Variants in DLC1 observed in about 807,000 individuals in gnomAD.
DLC1 encodes the protein DLC1 Rho GTPase activating protein, also known as rho GTPase-activating protein 7.
In DLC1, 54 loss-of-function variants were observed where a neutral mutation model predicts 140.3. The ratio of observed to expected loss-of-function variants is 0.38; its 90% CI spans 0.31 to 0.48. DLC1 has a LOEUF of 0.48. DLC1 is among the 20% of genes least tolerant of loss of function. DLC1 has a pLI of 0.96. For synonymous variants in DLC1, 986 were observed against 728.1 expected (o/e 1.35, Z -5.70); for missense variants, 2,536 against 1,907.0 (o/e 1.33, Z -6.14).
chr8:13,132,934 T>C lies in DLC1; in HGVS notation c.1349-17277A>G, dbSNP rs547636466. Reference sequence around the variant, plus strand: ...GGCCAGCCCGACGGCAAGACGCAAGTCTAGCTTACGTGTTAGGATCATGGT... The same window carrying C: ...GGCCAGCCCGACGGCAAGACGCAAGCCTAGCTTACGTGTTAGGATCATGGT... On this transcript the variant is annotated intron_variant, in intron 5 of 17. Transcript: ENST00000276297. The C allele has an allele frequency of 2.5e-6, 4 of 1,604,134 alleles. No homozygotes were observed. The East Asian group carries it at 9.0e-5, about 36-fold the overall frequency.
intron 1 of DLC1, among the ~76,000 whole-genome samples, chr8:13,577,715 G>T (rs970515895): frequency 6.6e-6 from 1 of 152,056 alleles, no homozygotes; most frequent in African/African-American, 2.4e-5. Context: ...TTGGGCTTTT[G>T]TTTCCTCCTT....
intron 5 of DLC1, among the ~76,000 whole-genome samples, chr8:13,266,619 C>A (rs902079776): frequency 9.9e-5 from 15 of 152,072 alleles, no homozygotes; most frequent in African/African-American, 3.4e-4. Flanking sequence ...GTGGCAGGTG[C>A]CTGTAGTCCC....
intron 5 of DLC1, among the ~76,000 whole-genome samples, chr8:13,297,282 T>TAAAAAAAAAAAAAAAAAAAAAAAAA (rs60048506): frequency 0.013 from 125 of 9,614 alleles, 46 homozygotes; most frequent in East Asian, 0.045. Context: ...CTTCATACAT[T>TAAAAAAAAAAAAAAAAAAAAAAAAA]AAAAAAAAAA....
intron 2 of DLC1, among the ~76,000 whole-genome samples, chr8:13,452,971 G>C (rs1361065799): frequency 2.6e-5 from 4 of 151,846 alleles, no homozygotes; most frequent in Non-Finnish European, 4.4e-5. Flanking sequence ...ACAGTTTCTT[G>C]TTGTTGTTGT....
intron 1 of DLC1, among the ~76,000 whole-genome samples, chr8:13,504,064 A>G (rs1243378620): frequency 6.6e-6 from 1 of 151,952 alleles, no homozygotes; most frequent in Non-Finnish European, 1.5e-5. Flanking sequence ...ATTGCTTGCA[A>G]CTCGAAAACT....
At chr8:13,408,748 A>G (rs958705154) in intron 2 of DLC1, among the ~76,000 whole-genome samples, 2 of 152,200 alleles carry the variant, frequency 1.3e-5, no homozygotes, top group Non-Finnish European at 2.9e-5. Context: ...TATGTATTCC[A>G]TACTATCATG....
intron 5 of DLC1, among the ~76,000 whole-genome samples, chr8:13,186,435 C>T (rs912943400): frequency 6.6e-6 from 1 of 152,100 alleles, no homozygotes; most frequent in Non-Finnish European, 1.5e-5. Flanking sequence ...TCCACTTGAT[C>T]GAATCCACTA....
At chr8:13,312,386 A>AAAAAAAAAAAAAAAAAAATAATAAT (rs71207139) in intron 4 of DLC1, among the ~76,000 whole-genome samples, 1 of 81,680 alleles carries the variant, frequency 1.2e-5, no homozygotes, top group African/African-American at 4.5e-5. Flanking sequence ...AAAAAAAAAA[A>AAAAAAAAAAAAAAAAAAATAATAAT]AATAATTTCT....
intron 1 of DLC1, among the ~76,000 whole-genome samples, chr8:13,596,845 T>A (rs979423913): frequency 3.9e-5 from 6 of 152,066 alleles, no homozygotes; most frequent in African/African-American, 1.4e-4. Context: ...AATGTCTTAA[T>A]AATGTAAATT....
At chr8:13,086,635 A>C (rs1490816632) in intron 16 of DLC1, among the ~76,000 whole-genome samples, 172 bp from the exon 17 acceptor site, 2 of 152,216 alleles carry the variant, frequency 1.3e-5, no homozygotes, top group Admixed American at 6.5e-5. Flanking sequence ...TATGGTGTAC[A>C]TGTGTTCCCC....
At chr8:13,429,092 A>G (rs1015702151) in intron 2 of DLC1, among the ~76,000 whole-genome samples, 1 of 152,242 alleles carries the variant, frequency 6.6e-6, no homozygotes, top group African/African-American at 2.4e-5. Context: ...AACATGACCT[A>G]GAAATACAAT....
Position 13,282,441 on chromosome 8 carries a change from G to T in DLC1, c.1348+22828C>A, listed in dbSNP as rs113278086. ...TTCTTTTATGTTGTAATTTCAAAAG[G>T]TTAAACATTTGCAATTTCTATAGAA... On this transcript the variant is annotated intron_variant, in intron 5 of 17. Transcript: ENST00000276297. Among the ~76,000 whole-genome samples, 1,301 of 152,102 alleles carry T rather than the reference G, an allele frequency of 8.6e-3. 18 individuals carry two copies. The highest frequency in any genetic ancestry group is 0.015 in the Non-Finnish European group (1,012 of 67,986).
chr8:13,461,819 G>T (rs79694253), intron 2 of DLC1, among the ~76,000 whole-genome samples: 14 of 152,060 alleles, frequency 9.2e-5, no homozygotes, highest in African/African-American at 3.4e-4. Context: ...GATGCTCTTC[G>T]TTACCCCGTA....
chr8:13,451,995 C>T (rs569899242), intron 2 of DLC1, among the ~76,000 whole-genome samples: 2 of 152,086 alleles, frequency 1.3e-5, no homozygotes, highest in African/African-American at 4.8e-5. Context: ...CAACAGAGTA[C>T]GAGGGTTCTA....
chr8:13,185,288 T>TTTTTTTTG (rs1554464345), intron 5 of DLC1, among the ~76,000 whole-genome samples: 10 of 144,374 alleles, frequency 6.9e-5, no homozygotes, highest in African/African-American at 2.6e-4. Context: ...TTTCTGTTTT[T>TTTTTTTTG]TTTGTTTGTT....
chr8:13,307,887 C>A (rs1048870996), intron 4 of DLC1, among the ~76,000 whole-genome samples: 2 of 152,138 alleles, frequency 1.3e-5, no homozygotes, highest in African/African-American at 4.8e-5. Flanking sequence ...ACTAAACAGA[C>A]TTATTTTGAA....
intron 2 of DLC1, among the ~76,000 whole-genome samples, chr8:13,489,018 G>T (rs1801108339): frequency 6.6e-6 from 1 of 151,914 alleles, no homozygotes; most frequent in South Asian, 2.1e-4. Flanking sequence ...CGTGATCTTG[G>T]CTCACTGCAA....
chr8:13,211,226 C>T (rs140921176), intron 5 of DLC1, among the ~76,000 whole-genome samples: 19 of 152,300 alleles, frequency 1.2e-4, no homozygotes, highest in East Asian at 3.9e-4. Context: ...GTGAATAATA[C>T]GCTTCTTACT....
At chr8:13,379,210 G>C (rs1836138951) in intron 4 of DLC1, among the ~76,000 whole-genome samples, 1 of 152,138 alleles carries the variant, frequency 6.6e-6, no homozygotes, top group Non-Finnish European at 1.5e-5. Flanking sequence ...CTGCTGAAAA[G>C]TCAGAATTTG....
Sources: allele counts gnomAD v4.1 joint callset (sites outside exome capture counted in the v4.1 genomes callset), GRCh38; gene constraint gnomAD v4.1.1; transcripts MANE v1.5; gene names NCBI Gene and HGNC (gene_info 2026-07-23, HGNC 2026-07-21).